The following CIRSR variants were observed in gnomAD, a reference collection of about 807,000 sequenced individuals.
CIRSR encodes corepressor of RBPJ and splicing regulator, also known as CBF1 (RBPJ) interacting corepressor 1.
the CIRSR span, chr2:174,395,486 C>A: frequency 3.1e-4 from 457 of 1,493,806 alleles, no homozygotes; most frequent in East Asian, 9.4e-3. Flanking sequence ...ATCACTTTCA[C>A]TTCCAGCAGC....
At chr2:174,392,241 C>A in the CIRSR span, among the ~76,000 whole-genome samples, 1 of 152,148 alleles carries the variant, frequency 6.6e-6, no homozygotes, top group Non-Finnish European at 1.5e-5. Flanking sequence ...GGGTGATCCA[C>A]CCACCTCAGC....
chr2:174,365,242 A>G, the CIRSR span, among the ~76,000 whole-genome samples: 2 of 152,158 alleles, frequency 1.3e-5, no homozygotes, highest in South Asian at 4.1e-4. Context: ...TCAGTTCCCA[A>G]GTTCCTCATC....
chr2:174,360,258 C>T, the CIRSR span, among the ~76,000 whole-genome samples: 1 of 152,122 alleles, frequency 6.6e-6, no homozygotes, highest in African/African-American at 2.4e-5. Flanking sequence ...ATTATTTTAT[C>T]TCCTTAGTAC....
chr2:174,379,158 A>G, the CIRSR span: 8 of 689,130 alleles, frequency 1.2e-5, no homozygotes, highest in Non-Finnish European at 1.7e-5. Context: ...TCTCCAGGGA[A>G]AAAGACTCCA....
At chr2:174,391,288 G>A in the CIRSR span, among the ~76,000 whole-genome samples, 1 of 152,154 alleles carries the variant, frequency 6.6e-6, no homozygotes, top group African/African-American at 2.4e-5. Flanking sequence ...CTCAGGCAAA[G>A]GCCCAGAGAT....
the CIRSR span, among the ~76,000 whole-genome samples, chr2:174,377,260 T>A: frequency 2.0e-5 from 3 of 152,208 alleles, no homozygotes; most frequent in African/African-American, 7.2e-5. Context: ...TCAGAAATAT[T>A]TGAGCCAACG....
At chr2:174,373,863 C>A in the CIRSR span, among the ~76,000 whole-genome samples, 2 of 132,788 alleles carry the variant, frequency 1.5e-5, no homozygotes, top group Non-Finnish European at 3.2e-5. Context: ...CTGTTTCTCA[C>A]AAGCAAAACA....
At chr2:174,380,518 A>T in the CIRSR span, 1 of 813,628 alleles carries the variant, frequency 1.2e-6, no homozygotes, top group Non-Finnish European at 1.9e-6. Flanking sequence ...TAAGACAGCT[A>T]ATTAAAATCA....
the CIRSR span, among the ~76,000 whole-genome samples, chr2:174,372,500 T>C: frequency 6.6e-6 from 1 of 152,384 alleles, no homozygotes; most frequent in Admixed American, 6.5e-5. Context: ...GTCCATATCA[T>C]TAAGAAATCT....
At chr2:174,356,522 A>AGGAAGGAAGGAAG in the CIRSR span, among the ~76,000 whole-genome samples, 220 of 135,594 alleles carry the variant, frequency 1.6e-3, 1 homozygote, top group East Asian at 0.017. Flanking sequence ...GAAGAAAGAA[A>AGGAAGGAAGGAAG]GAAAGAAGAA....
chr2:174,376,598 C>A, the CIRSR span, among the ~76,000 whole-genome samples: 11 of 151,380 alleles, frequency 7.3e-5, no homozygotes. Context: ...GAGATCAAGA[C>A]CATCCTGGCT....
chr2:174,380,720 A>G, the CIRSR span: 2 of 1,612,012 alleles, frequency 1.2e-6, no homozygotes, highest in Non-Finnish European at 1.7e-6. Context: ...TTCTTTCTAA[A>G]AACATTCATT....
chr2:174,355,958 A>T, the CIRSR span, among the ~76,000 whole-genome samples: 2 of 152,048 alleles, frequency 1.3e-5, no homozygotes, highest in Admixed American at 6.5e-5. Context: ...GCTCCATTCG[A>T]AGTTCATCAT....
chr2:174,378,951 AT>A, the CIRSR span: 1 of 1,613,210 alleles, frequency 6.2e-7, no homozygotes, highest in Non-Finnish European at 8.5e-7. Flanking sequence ...CCGAACTTGC[AT>A]TGATTCCAGA....
At chr2:174,385,215 CAAAA>C in the CIRSR span, among the ~76,000 whole-genome samples, 1 of 94,116 alleles carries the variant, frequency 1.1e-5, no homozygotes, top group Non-Finnish European at 2.1e-5. Flanking sequence ...ACCTTCCTCT[CAAAA>C]AAAAAAAAAA....
chr2:174,381,375 C>G, the CIRSR span, among the ~76,000 whole-genome samples: 5 of 152,132 alleles, frequency 3.3e-5, no homozygotes, highest in African/African-American at 1.2e-4. Context: ...AGGAAGGAGG[C>G]CAGGTGCGGT....
chr2:174,369,259 A>G, the CIRSR span, among the ~76,000 whole-genome samples: 55 of 152,332 alleles, frequency 3.6e-4, no homozygotes, highest in Middle Eastern at 6.8e-3. Flanking sequence ...AACCTTATGA[A>G]TCAATCTCTG....
At chr2:174,367,632 C>G in the CIRSR span, among the ~76,000 whole-genome samples, 1 of 150,728 alleles carries the variant, frequency 6.6e-6, no homozygotes, top group Admixed American at 6.6e-5. Flanking sequence ...ATCCTAGTTA[C>G]TTAGGAGGCT....
At chr2:174,354,562 T>TATATCATATAA in the CIRSR span, among the ~76,000 whole-genome samples, 1 of 15,578 alleles carries the variant, frequency 6.4e-5, no homozygotes, top group African/African-American at 1.2e-4. Flanking sequence ...TATATATATT[T>TATATCATATAA]TATATATTAT....
Sources: allele counts gnomAD v4.1 joint callset (sites outside exome capture counted in the v4.1 genomes callset), GRCh38; gene constraint gnomAD v4.1.1; transcripts MANE v1.5; gene names NCBI Gene and HGNC (gene_info 2026-07-23, HGNC 2026-07-21).